The following CPNE5 variants were observed in gnomAD, a reference collection of about 807,000 sequenced individuals.
CPNE5 encodes copine-5.
CPNE5 carries 42 observed loss-of-function variants against 81.1 expected under a neutral mutation model. The ratio of observed to expected loss-of-function variants is 0.52; its 90% CI spans 0.40 to 0.67. CPNE5 has a LOEUF of 0.67. CPNE5 is among the 30% of genes least tolerant of loss of function. CPNE5 has a pLI of 0.00. For synonymous variants in CPNE5, 313 were observed against 321.5 expected, an observed-to-expected ratio of 0.97 and a Z score of 0.28; for missense variants, 612 against 815.5, an observed-to-expected ratio of 0.75 and a Z score of 3.04.
chr6:36,784,316 G>A (rs1768322393), intron 8 of CPNE5, among the ~76,000 whole-genome samples: 1 of 152,242 alleles, frequency 6.6e-6, no homozygotes, highest in Admixed American at 6.5e-5. Flanking sequence ...GGCCTTCAGA[G>A]AAATTTCTAG....
At chr6:36,822,003 G>T in intron 3 of CPNE5, 111 bp downstream of exon 3, 1 of 971,492 alleles carries the variant, frequency 1.0e-6, no homozygotes, top group South Asian at 1.8e-5. Flanking sequence ...CCTTCAGCGG[G>T]GCTTGGATGC....
At chr6:36,783,726 C>A (rs1396820182) in intron 8 of CPNE5, among the ~76,000 whole-genome samples, 2 of 152,178 alleles carry the variant, frequency 1.3e-5, no homozygotes, top group African/African-American at 4.8e-5. Context: ...GTTGCCCAGG[C>A]TGGTGTTGAA....
At chr6:36,829,812 CAAAAA>C (rs35015008) in intron 1 of CPNE5, among the ~76,000 whole-genome samples, 2 of 66,960 alleles carry the variant, frequency 3.0e-5, no homozygotes, top group Non-Finnish European at 2.5e-5. Flanking sequence ...GGCTCCATCT[CAAAAA>C]AAAAAAAAAA....
intron 8 of CPNE5, among the ~76,000 whole-genome samples, chr6:36,784,731 C>T (rs867999798): frequency 1.8e-4 from 28 of 152,088 alleles, no homozygotes; most frequent in East Asian, 7.7e-4. Context: ...CGCCTGAGCC[C>T]GGGATTTCGA....
At chr6:36,816,893 C>T (rs1771593285) in intron 3 of CPNE5, among the ~76,000 whole-genome samples, 1 of 152,328 alleles carries the variant, frequency 6.6e-6, no homozygotes, top group Admixed American at 6.5e-5. Context: ...ATTCTCCTGC[C>T]TCAGCCTCCC....
intron 20 of CPNE5, chr6:36,743,275 C>T (rs769768063): frequency 2.4e-5 from 23 of 976,274 alleles, no homozygotes; most frequent in Non-Finnish European, 2.8e-5. Flanking sequence ...ATATTTGCAC[C>T]GTTCATGGAG....
chr6:36,812,719 G>C (rs549589852), intron 3 of CPNE5, among the ~76,000 whole-genome samples: 2 of 152,166 alleles, frequency 1.3e-5, no homozygotes, highest in Non-Finnish European at 2.9e-5. Flanking sequence ...CCCTGATCAC[G>C]GGGAGTCAGA....
intron 17 of CPNE5, 101 bp from the exon 18 acceptor site, chr6:36,745,251 G>T: frequency 7.0e-7 from 1 of 1,419,568 alleles, no homozygotes; most frequent in East Asian, 2.4e-5. Flanking sequence ...ACAGCTCTTG[G>T]GGGAATCTCT....
At chr6:36,791,369 C>T (rs904969621) in intron 8 of CPNE5, among the ~76,000 whole-genome samples, 1 of 152,108 alleles carries the variant, frequency 6.6e-6, no homozygotes, top group Admixed American at 6.6e-5. Flanking sequence ...TCAAGAGCAG[C>T]GATAACTTAT....
In CPNE5 at chr6:36,746,368, CCT is replaced by C; in HGVS notation, c.1200+26_1200+27del. The C allele has an allele frequency of 6.3e-7, 1 of 1,582,312 alleles. No individual in the cohort carries two copies. The highest frequency in any genetic ancestry group is 8.6e-7 in the Non-Finnish European group (1 of 1,162,538). On this transcript the variant is annotated intron_variant, in intron 16 of 20. Transcript: ENST00000244751. The surrounding 1 kb of genome is among the most constrained non-coding windows in gnomAD (Gnocchi z 4.5). ...TCACCTCACCCCCAGCCTGATCAGT[CCT>C]CTCTCCCACCAGCGGGACCACCTAC...
In CPNE5 at chr6:36,742,377, A is replaced by C. The variant is rs1274554521; in HGVS notation, c.1673T>G (p.Met558Arg). ...ACGCGGGCGAATGCCCTGTGCCTTC[A>C]TGTAGGACACCAGTTGGTCAGGGAT... ...AEIPDQLVSY[M>R]KAQGIRPRPP... Residue 558 changes from methionine (M) to arginine (R), a missense_variant, in exon 21 of 21, where the codon ATG (methionine) becomes AGG (arginine). Met to Arg is a moderately conservative substitution (Grantham distance 91). Coordinates refer to ENST00000244751, the MANE Select transcript of CPNE5 (RefSeq NM_020939.2). 1 of 1,613,710 alleles carries C rather than the reference A, an allele frequency of 6.2e-7. No individual in the cohort carries two copies. The highest frequency in any genetic ancestry group is 1.7e-5 in the Admixed American group (1 of 60,016).
rs556123450 is a variant in CPNE5 at position 36,743,863 on chromosome 6, G to C, written c.1490-101C>G. 1.1e-5 allele frequency: 12 copies of C among 1,060,768 alleles called. No homozygotes were observed. In the East Asian group the frequency reaches 2.6e-4, roughly 23 times the overall value. 65.7% of individuals were successfully genotyped at this position (1,060,768 alleles called of 1,614,324 possible). A position where few individuals can be genotyped will look rare whatever the true frequency, so the allele number is the denominator to read the frequency against. ...TCCTTTCATCCCAGGCCAATCCAGGGCCGAGACCACTGGCCCATGCCCCGT... is the reference window on the plus strand; with the variant it reads ...TCCTTTCATCCCAGGCCAATCCAGGCCCGAGACCACTGGCCCATGCCCCGT... On this transcript the variant is annotated intron_variant, in intron 19 of 20. Transcript: ENST00000244751.
intron 1 of CPNE5, among the ~76,000 whole-genome samples, chr6:36,834,664 A>AT (rs1174442278): frequency 6.6e-6 from 1 of 152,090 alleles, no homozygotes; most frequent in African/African-American, 2.4e-5. Flanking sequence ...TCAAAAAAAA[A>AT]AAAAAAGTTG....
chr6:36,744,500 T>C (rs1763906362), intron 18 of CPNE5, 175 bp from the exon 19 acceptor site: 1 of 618,936 alleles, frequency 1.6e-6, no homozygotes, highest in African/African-American at 1.8e-5. Context: ...CACTCAGAGA[T>C]AAAGAGCAAA....
Position 36,756,304 on chromosome 6 carries a change from G to A in CPNE5, c.856-6C>T. The A allele has an allele frequency of 6.2e-7, 1 of 1,613,508 alleles. No individual in the cohort carries two copies. The highest frequency in any genetic ancestry group is 8.5e-7 in the Non-Finnish European group (1 of 1,179,694). On this transcript the variant is annotated splice_polypyrimidine_tract_variant and splice_region_variant and intron_variant, in intron 12 of 20. Transcript: ENST00000244751. ...TTCTTTTTCGGGTTTACCACCTGCA[G>A]GAAAAACCAGTTACCAGGTAAGGCA...
At chr6:36,830,497 G>A (rs772133827) in intron 1 of CPNE5, among the ~76,000 whole-genome samples, 8 of 152,172 alleles carry the variant, frequency 5.3e-5, no homozygotes, top group South Asian at 4.1e-4. Context: ...GTTCTCACCC[G>A]CGTGCTCTGC....
At chr6:36,810,011 G>A (rs1198548606) in intron 3 of CPNE5, among the ~76,000 whole-genome samples, 2 of 151,980 alleles carry the variant, frequency 1.3e-5, no homozygotes, top group South Asian at 2.1e-4. Flanking sequence ...ATGAAAGAAC[G>A]GAGCTCTTGG....
intron 6 of CPNE5, among the ~76,000 whole-genome samples, chr6:36,796,587 TC>T (rs1372728412): frequency 6.6e-6 from 1 of 152,198 alleles, no homozygotes; most frequent in Non-Finnish European, 1.5e-5. Flanking sequence ...GGGCAGATGT[TC>T]CTAGAGAAAG....
intron 8 of CPNE5, among the ~76,000 whole-genome samples, chr6:36,780,551 A>C (rs1767954018): frequency 6.6e-6 from 1 of 152,196 alleles, no homozygotes; most frequent in Non-Finnish European, 1.5e-5. Context: ...CCCATCTCAT[A>C]GGCTCGTGAG....
Sources: gnomAD v4.1 joint callset for allele counts (sites outside exome capture counted in the v4.1 genomes callset) on GRCh38, gnomAD v4.1.1 for gene constraint, Gnocchi (gnomAD v3.1) non-coding constraint, MANE v1.5 for transcripts, NCBI Gene and HGNC (gene_info 2026-07-23, HGNC 2026-07-21) for gene names.